ABCA12: variants seen among roughly 807,000 people sequenced by gnomAD.
The protein encoded by ABCA12 is glucosylceramide transporter ABCA12.
In ABCA12, 156 loss-of-function variants were observed where a neutral mutation model predicts 293.5. The observed-to-expected ratio is 0.53, with a 90% CI of 0.47 to 0.61. The LOEUF is 0.61. Ranked by LOEUF, ABCA12 falls within the 20% of genes least tolerant of loss-of-function variation. The probability of loss-of-function intolerance (pLI) is 0.00; values close to 1 mark genes in which losing one functional copy is unlikely to be tolerated. For synonymous variants in ABCA12, 1,063 were observed against 1,108.0 expected (o/e 0.96, Z 0.81); for missense variants, 2,797 against 3,090.2 (o/e 0.91, Z 2.25).
intron 1 of ABCA12, among the ~76,000 whole-genome samples, chr2:215,119,348 C>T (rs909405925): frequency 5.3e-5 from 8 of 152,114 alleles, no homozygotes; most frequent in Non-Finnish European, 8.8e-5. Context: ...GTTACAATTG[C>T]TTTTGGGGAC....
intron 2 of ABCA12, among the ~76,000 whole-genome samples, chr2:215,079,076 T>C (rs1039198108): frequency 6.6e-6 from 1 of 152,196 alleles, no homozygotes; most frequent in Non-Finnish European, 1.5e-5. Flanking sequence ...GACAGATGGC[T>C]TTTATTCTTT....
intron 2 of ABCA12, among the ~76,000 whole-genome samples, chr2:215,107,791 G>A (rs1702493086): frequency 6.6e-6 from 1 of 152,098 alleles, no homozygotes; most frequent in Non-Finnish European, 1.5e-5. Flanking sequence ...CAGTATTACA[G>A]AACAGAAGTT....
chr2:215,015,910 T>A (rs1239649923), intron 14 of ABCA12, among the ~76,000 whole-genome samples: 2 of 148,380 alleles, frequency 1.3e-5, no homozygotes, highest in African/African-American at 5.0e-5. Flanking sequence ...TTTGGGAGGC[T>A]GAGGCGGGTG....
At chr2:214,937,235 G>A (rs1033320535) in intron 51 of ABCA12, among the ~76,000 whole-genome samples, 5 of 152,120 alleles carry the variant, frequency 3.3e-5, no homozygotes, top group African/African-American at 9.7e-5. Flanking sequence ...GTCTCGCTTT[G>A]TCACCCAGGC....
intron 1 of ABCA12, among the ~76,000 whole-genome samples, chr2:215,112,232 G>A (rs1702586483): frequency 6.6e-6 from 1 of 151,612 alleles, no homozygotes; most frequent in South Asian, 2.1e-4. Context: ...GTCAATGAGT[G>A]AAGAAGTAAA....
chr2:215,048,297 C>T (rs1326820841), intron 6 of ABCA12, among the ~76,000 whole-genome samples: 2 of 152,076 alleles, frequency 1.3e-5, no homozygotes, highest in Non-Finnish European at 1.5e-5. Context: ...ACCATTCAAC[C>T]CAGTAATCCC....
chr2:215,107,200 G>A (rs1202720047), intron 2 of ABCA12, among the ~76,000 whole-genome samples: 1 of 152,152 alleles, frequency 6.6e-6, no homozygotes, highest in African/African-American at 2.4e-5. Flanking sequence ...GTAATTAGGG[G>A]CTGCTTGCCT....
chr2:215,116,559 A>T (rs934954608), intron 1 of ABCA12, among the ~76,000 whole-genome samples: 9 of 152,206 alleles, frequency 5.9e-5, no homozygotes, highest in Admixed American at 5.9e-4. Context: ...TTTAAACATT[A>T]AAATATATTT....
At chr2:214,948,990 CTCATT>C in intron 46 of ABCA12, 45 bp downstream of exon 46, 9 of 1,455,822 alleles carry the variant, frequency 6.2e-6, no homozygotes, top group Non-Finnish European at 8.7e-6. Flanking sequence ...AATTATTTTT[CTCATT>C]TAAGTATGTT....
At chr2:215,011,054 A>G (rs1341343485) in intron 17 of ABCA12, among the ~76,000 whole-genome samples, 4 of 146,984 alleles carry the variant, frequency 2.7e-5, no homozygotes, top group East Asian at 1.9e-4. Flanking sequence ...GAAAGTTAGG[A>G]AAAAAATTTC....
intron 11 of ABCA12, among the ~76,000 whole-genome samples, chr2:215,021,325 G>A: frequency 6.6e-6 from 1 of 152,100 alleles, no homozygotes; most frequent in South Asian, 2.1e-4. Flanking sequence ...CAGGATACTC[G>A]GTGTTTTTGT....
At chr2:215,045,332 A>G (rs1479142987) in intron 7 of ABCA12, among the ~76,000 whole-genome samples, 1 of 152,190 alleles carries the variant, frequency 6.6e-6, no homozygotes, top group Non-Finnish European at 1.5e-5. Context: ...ACTGATATGC[A>G]GGCTTGGAAA....
chr2:214,936,547 G>T (rs566373395), intron 51 of ABCA12, among the ~76,000 whole-genome samples: 3 of 152,302 alleles, frequency 2.0e-5, no homozygotes, highest in South Asian at 4.1e-4. Flanking sequence ...GTATATCAAA[G>T]ATGTAATAAT....
intron 20 of ABCA12, among the ~76,000 whole-genome samples, chr2:215,002,293 G>GTA (rs1479346975): frequency 8.5e-5 from 13 of 152,132 alleles, no homozygotes; most frequent in Non-Finnish European, 4.4e-5. Context: ...AATCTTATGT[G>GTA]TATATCTTAA....
At chr2:214,944,954 C>T (rs1698535131) in intron 49 of ABCA12, 47 bp downstream of exon 49, 4 of 1,504,584 alleles carry the variant, frequency 2.7e-6, no homozygotes, top group Admixed American at 1.7e-5. Flanking sequence ...TCCCACCTGT[C>T]ATCCTAAGAC....
Position 215,074,619 on chromosome 2 carries a change from C to T in ABCA12, c.164-10400G>A, listed in dbSNP as rs930097043. ...GAAATACAGAAACGTGATCATTTAC[C>T]GAGTTCACAGTGTCCATAAAATAAA... On this transcript the variant is annotated intron_variant, in intron 2 of 52. Transcript: ENST00000272895. Among the ~76,000 whole-genome samples the T allele has an allele frequency of 7.2e-5, 11 of 151,952 alleles. 1 individual carries two copies. Among genetic ancestry groups the T allele is most frequent in the Admixed American group, 7.2e-4 (11 of 15,242 alleles).
chr2:215,131,181 G>C (rs1186099996), intron 1 of ABCA12, among the ~76,000 whole-genome samples: 1 of 151,902 alleles, frequency 6.6e-6, no homozygotes, highest in African/African-American at 2.4e-5. Context: ...TTGGCCTGTA[G>C]TTTTCTTTTT....
At chr2:215,008,476 AT>A (rs1318214548) in intron 18 of ABCA12, among the ~76,000 whole-genome samples, 2 of 152,116 alleles carry the variant, frequency 1.3e-5, no homozygotes, top group Non-Finnish European at 2.9e-5. Flanking sequence ...ATTCGGTGTT[AT>A]AAAAAAAAAT....
chr2:215,106,726 G>A (rs1245408366), intron 2 of ABCA12, among the ~76,000 whole-genome samples: 4 of 140,672 alleles, frequency 2.8e-5, no homozygotes, highest in Non-Finnish European at 4.6e-5. Context: ...CATCCCTGAA[G>A]ATAAAGGGTA....
Sources: gnomAD v4.1 joint callset for allele counts (sites outside exome capture counted in the v4.1 genomes callset) on GRCh38, gnomAD v4.1.1 for gene constraint, MANE v1.5 for transcripts, NCBI Gene and HGNC (gene_info 2026-07-23, HGNC 2026-07-21) for gene names.